CCDC63: variants seen among roughly 807,000 people sequenced by gnomAD.
CCDC63 encodes the protein coiled-coil domain containing 63.
In CCDC63, 54 loss-of-function variants were observed where a neutral mutation model predicts 63.6. The ratio of observed to expected loss-of-function variants is 0.85; its 90% CI spans 0.68 to 1.07. The LOEUF (loss-of-function observed/expected upper bound fraction) is 1.07, where lower values mean the gene tolerates loss of function less well. Among genes scored for constraint, CCDC63 ranks in the 50% least tolerant of loss-of-function variants. The pLI is 0.00. For synonymous variants in CCDC63, 253 were observed against 266.1 expected (o/e 0.95, Z 0.48); for missense variants, 637 against 689.6 (o/e 0.92, Z 0.86).
chr12:110,846,654 T>G (rs1237652273), upstream of CCDC63: 1 of 152,070 alleles, frequency 6.6e-6, no homozygotes, highest in African/African-American at 2.4e-5. Flanking sequence ...TGAGTGTAGG[T>G]GTAGGCTAAG....
intron 9 of CCDC63, among the ~76,000 whole-genome samples, chr12:110,895,717 AG>A (rs1414071149): frequency 6.6e-6 from 1 of 152,194 alleles, no homozygotes; most frequent in Non-Finnish European, 1.5e-5. Flanking sequence ...CCTACTTCTT[AG>A]GGCTGTGAAG....
intron 4 of CCDC63, among the ~76,000 whole-genome samples, chr12:110,870,373 C>T (rs1420856165): frequency 6.6e-6 from 1 of 152,210 alleles, no homozygotes; most frequent in African/African-American, 2.4e-5. Context: ...TGAGGCACAG[C>T]ACCCAGTCCT....
intron 10 of CCDC63, among the ~76,000 whole-genome samples, chr12:110,902,315 G>C (rs1210135105): frequency 4.6e-5 from 7 of 152,142 alleles, no homozygotes. Flanking sequence ...GTTCTTTCTA[G>C]CCTGGCCTTG....
At chr12:110,867,508 C>G (rs1384148769) in intron 4 of CCDC63, among the ~76,000 whole-genome samples, 1 of 108,138 alleles carries the variant, frequency 9.2e-6, no homozygotes, top group African/African-American at 3.9e-5. Context: ...CGGGATGGGG[C>G]GGCTGGCCGG....
At chr12:110,853,957 C>T (rs2136643063) in intron 3 of CCDC63, among the ~76,000 whole-genome samples, 1 of 152,300 alleles carries the variant, frequency 6.6e-6, no homozygotes. Context: ...CTCAAGTTTA[C>T]CAGCTGCACA....
intron 5 of CCDC63, among the ~76,000 whole-genome samples, chr12:110,876,496 G>C (rs138179461): frequency 2.0e-5 from 3 of 152,276 alleles, no homozygotes; most frequent in Non-Finnish European, 2.9e-5. Context: ...GCTCAGGCTT[G>C]TGGAAACACA....
chr12:110,897,740 T>G lies in CCDC63; in HGVS notation c.1150-1193T>G, dbSNP rs540855178. On this transcript the variant is annotated intron_variant, in intron 9 of 11. Transcript: ENST00000308208. The stretch of plus-strand genomic sequence containing the variant: ...TTCCTGTGGACCACCTTGTTTTTTT[T>G]TTTTTTTTTTGAGATAGAGTCTCGC... Among the ~76,000 whole-genome samples the G allele has an allele frequency of 9.3e-5, 14 of 150,456 alleles. 1 individual carries two copies. The highest frequency in any genetic ancestry group is 2.7e-4 in the African/African-American group (11 of 41,044).
At chr12:110,885,524 C>T (rs941621493) in intron 8 of CCDC63, among the ~76,000 whole-genome samples, 10 of 152,210 alleles carry the variant, frequency 6.6e-5, no homozygotes, top group African/African-American at 2.2e-4. Context: ...CCTGCCTTTG[C>T]AGACACAGGT....
At chr12:110,852,824 C>A in intron 1 of CCDC63, 35 bp from the exon 2 acceptor site, 1 of 1,454,132 alleles carries the variant, frequency 6.9e-7, no homozygotes, top group Non-Finnish European at 9.6e-7. Flanking sequence ...GCAGGGGTGG[C>A]TTACAAGTTC....
At position 110,899,022 on chromosome 12, in the gene CCDC63, A is replaced by T. The variant is rs1298724938; in HGVS notation, c.1239A>T (p.Ser413=). The T allele has an allele frequency of 1.2e-6, 2 of 1,613,718 alleles. No homozygotes were observed. The highest frequency in any genetic ancestry group is 1.7e-6 in the Non-Finnish European group (2 of 1,179,884). ...VSKTLDLLKN[S]VEKLFKKINC... ...AGACCTTGGATCTATTGAAGAACTCAGTGGAGAAACTGTTCAAGAAGATAA... is the reference window on the plus strand; with the variant it reads ...AGACCTTGGATCTATTGAAGAACTCTGTGGAGAAACTGTTCAAGAAGATAA... The change falls in exon 10 of 12, where the codon TCA becomes TCT. Residue 413 remains serine, a synonymous_variant. Transcript: ENST00000308208.
chr12:110,875,750 T>C (rs1269256665), intron 5 of CCDC63, among the ~76,000 whole-genome samples: 2 of 152,278 alleles, frequency 1.3e-5, no homozygotes, highest in East Asian at 3.9e-4. Flanking sequence ...CTCAAACTGG[T>C]CCCCTCTTCC....
chr12:110,868,874 C>T (rs1295743491), intron 4 of CCDC63, among the ~76,000 whole-genome samples: 2 of 152,012 alleles, frequency 1.3e-5, no homozygotes, highest in African/African-American at 2.4e-5. Context: ...AGCTGGTGCC[C>T]CTTAAGATAG....
chr12:110,899,247 C>A, intron 10 of CCDC63, 122 bp downstream of exon 10: 1 of 812,720 alleles, frequency 1.2e-6, no homozygotes, highest in Non-Finnish European at 1.9e-6. Flanking sequence ...GGCACTAAAG[C>A]CAGCCTGCCT....
intron 4 of CCDC63, among the ~76,000 whole-genome samples, chr12:110,865,503 C>CAAAGAA (rs2070935828): frequency 7.9e-6 from 1 of 126,628 alleles, no homozygotes; most frequent in Non-Finnish European, 1.8e-5. Context: ...AAAGAAGAGA[C>CAAAGAA]AAAGAAAAAA....
At chr12:110,862,655 A>G (rs1003687534) in intron 4 of CCDC63, among the ~76,000 whole-genome samples, 1 of 152,166 alleles carries the variant, frequency 6.6e-6, no homozygotes, top group Non-Finnish European at 1.5e-5. Flanking sequence ...GCCCAACTCT[A>G]GTGGGGGCGG....
At chr12:110,866,976 G>A (rs1170904196) in intron 4 of CCDC63, among the ~76,000 whole-genome samples, 22 of 143,946 alleles carry the variant, frequency 1.5e-4, no homozygotes, top group African/African-American at 4.8e-4. Flanking sequence ...TCCCGGACGG[G>A]GCGGCTGGCC....
At chr12:110,885,151 T>C (rs1051574601) in intron 8 of CCDC63, among the ~76,000 whole-genome samples, 5 of 151,660 alleles carry the variant, frequency 3.3e-5, no homozygotes, top group African/African-American at 9.7e-5. Context: ...CTAAGAATGA[T>C]TTTTACATTT....
chr12:110,904,815 G>A, intron 11 of CCDC63, 24 bp downstream of exon 11: 6 of 1,569,372 alleles, frequency 3.8e-6, no homozygotes, highest in Non-Finnish European at 4.3e-6. Flanking sequence ...CTCTCAATCT[G>A]CACAGGTTGC....
intron 7 of CCDC63, 37 bp downstream of exon 7, chr12:110,881,333 C>A: frequency 1.9e-6 from 3 of 1,580,974 alleles, no homozygotes; most frequent in Admixed American, 1.9e-5. Flanking sequence ...CTCTCTCACT[C>A]TCTTTCTTGC....
Sources: gnomAD v4.1 joint callset for allele counts (sites outside exome capture counted in the v4.1 genomes callset) on GRCh38, gnomAD v4.1.1 for gene constraint, MANE v1.5 for transcripts, NCBI Gene and HGNC (gene_info 2026-07-23, HGNC 2026-07-21) for gene names.